Variants in ARHGAP17 observed in about 807,000 individuals in gnomAD.
ARHGAP17 encodes the protein rho GTPase-activating protein 17.
A neutral mutation model predicts 99.5 loss-of-function variants in ARHGAP17; 57 were observed. The ratio of observed to expected loss-of-function variants is 0.57; its 90% CI spans 0.46 to 0.71. ARHGAP17 has a LOEUF of 0.71. Ranked by LOEUF, ARHGAP17 falls within the 30% of genes least tolerant of loss-of-function variation. ARHGAP17 has a pLI of 0.00. For synonymous variants in ARHGAP17, 417 were observed against 429.6 expected (o/e 0.97, Z 0.36); for missense variants, 1,000 against 1,122.4 (o/e 0.89, Z 1.56).
At chr16:24,940,363 C>G (rs2051278778) in intron 16 of ARHGAP17, among the ~76,000 whole-genome samples, 1 of 152,106 alleles carries the variant, frequency 6.6e-6, no homozygotes, top group African/African-American at 2.4e-5. Flanking sequence ...TAGAAACAAT[C>G]CTATGTGCAT....
At chr16:25,008,199 C>CT (rs1259826485) in intron 1 of ARHGAP17, among the ~76,000 whole-genome samples, 1 of 152,026 alleles carries the variant, frequency 6.6e-6, no homozygotes, top group Non-Finnish European at 1.5e-5. Context: ...AAAAACAAAT[C>CT]TTTTTTTGTA....
intron 14 of ARHGAP17, 117 bp from the exon 15 acceptor site, chr16:24,943,979 A>G: frequency 1.0e-6 from 1 of 987,414 alleles, no homozygotes; most frequent in Admixed American, 2.2e-5. Context: ...AGATGCAAAA[A>G]TCAAAATCAC....
At chr16:24,981,299 G>A (rs998435199) in intron 1 of ARHGAP17, among the ~76,000 whole-genome samples, 2 of 152,124 alleles carry the variant, frequency 1.3e-5, no homozygotes, top group East Asian at 3.9e-4. Flanking sequence ...AACGAGGCAA[G>A]TATTAACTTC....
chr16:24,920,185 A>G lies in ARHGAP17; in HGVS notation c.2591T>C (p.Val864Ala), dbSNP rs1597344589. ...TATATCCAGCAGGATGCGGCCAGGC[A>G]CGTCTTTGCTGGCTGAGTCTGAGTG... The part of the protein sequence containing the change: ...EMHSDSASKD[V>A]PGRILLDIDN... Residue 864 changes from valine (V) to alanine (A), a missense_variant, in exon 20 of 20, where the codon GTG (valine) becomes GCG (alanine). Around this residue, in one of 2 missense-constraint regions of ARHGAP17, gnomAD observed 528 missense variants for 511.4 expected, o/e 1.03. Coordinates refer to ENST00000289968, the MANE Select transcript of ARHGAP17 (RefSeq NM_001006634.3). 1 of 1,614,046 alleles carries G rather than the reference A, an allele frequency of 6.2e-7. No individual in the cohort carries two copies. The highest frequency in any genetic ancestry group is 1.7e-5 in the Admixed American group (1 of 60,004).
intron 18 of ARHGAP17, among the ~76,000 whole-genome samples, chr16:24,931,877 A>T (rs2051001866): frequency 6.6e-6 from 1 of 152,168 alleles, no homozygotes; most frequent in South Asian, 2.1e-4. Context: ...GCACTTTGGG[A>T]GGCCAAAGCA....
intron 1 of ARHGAP17, among the ~76,000 whole-genome samples, chr16:25,004,809 G>C (rs1334869873): frequency 6.6e-6 from 1 of 152,190 alleles, no homozygotes; most frequent in Non-Finnish European, 1.5e-5. Context: ...GAGGAAGAGA[G>C]AAACATCTTG....
chr16:24,956,016 T>G (rs1405826228), intron 9 of ARHGAP17: 2 of 152,234 alleles, frequency 1.3e-5, no homozygotes, highest in Non-Finnish European at 2.9e-5. Context: ...AGAAAACGCA[T>G]CTGGGGGTCT....
Position 25,015,256 on chromosome 16 carries a change from C to T in ARHGAP17, c.6G>A (p.Lys2=), listed in dbSNP as rs200554380. ...GCTGCTTCATGCGGTTGAACTGCTT[C>T]TTCATGGCGGCGGTGGCGGCGGCGG... is the stretch of plus-strand genomic sequence containing the variant. M[K]KQFNRMKQLA... The change falls in exon 1 of 20, where the codon AAG becomes AAA. Residue 2 remains lysine, a synonymous_variant. Coordinates refer to ENST00000289968, the MANE Select transcript of ARHGAP17 (RefSeq NM_001006634.3). 1.6e-5 allele frequency: 21 copies of T among 1,352,464 alleles called. No individual in the cohort carries two copies. The East Asian group carries it at 6.0e-4, about 39-fold the overall frequency. 83.8% of individuals were successfully genotyped at this position (1,352,464 alleles called of 1,614,324 possible). A position where few individuals can be genotyped will look rare whatever the true frequency, so the allele number is the denominator to read the frequency against.
At chr16:24,927,045 C>CG (rs1198342037) in intron 19 of ARHGAP17, among the ~76,000 whole-genome samples, 3 of 152,138 alleles carry the variant, frequency 2.0e-5, no homozygotes, top group Middle Eastern at 3.4e-3. Flanking sequence ...CTGAGGAGGC[C>CG]GGATCACCTA....
chr16:24,977,785 CGCATCATAAGCA>C (rs1356738865), intron 2 of ARHGAP17, among the ~76,000 whole-genome samples: 7 of 152,088 alleles, frequency 4.6e-5, no homozygotes. Flanking sequence ...AGGGGACCCA[CGCATCATAAGCA>C]GCTTCCCAAA....
chr16:24,965,159 G>C (rs951686125), intron 6 of ARHGAP17, among the ~76,000 whole-genome samples: 4 of 151,066 alleles, frequency 2.6e-5, no homozygotes, highest in African/African-American at 9.7e-5. Flanking sequence ...AAACATAGAT[G>C]TTATAAAATG....
intron 19 of ARHGAP17, among the ~76,000 whole-genome samples, chr16:24,926,709 C>T (rs536302113): frequency 2.0e-5 from 3 of 152,296 alleles, no homozygotes; most frequent in East Asian, 3.9e-4. Flanking sequence ...AGTGGACTAA[C>T]GCCTCACAGA....
chr16:24,984,270 C>T (rs1046126037), intron 1 of ARHGAP17, among the ~76,000 whole-genome samples: 10 of 152,160 alleles, frequency 6.6e-5, no homozygotes, highest in African/African-American at 2.2e-4. Context: ...ATGAGCACTA[C>T]CGTCCTCCTC....
intron 18 of ARHGAP17, among the ~76,000 whole-genome samples, chr16:24,933,260 T>C (rs972369128): frequency 4.0e-5 from 6 of 151,828 alleles, no homozygotes; most frequent in Non-Finnish European, 7.4e-5. Flanking sequence ...GCACTCTGAC[T>C]GGCTGAGGCA....
At chr16:25,012,677 CACACACACATCT>C (rs2053673265) in intron 1 of ARHGAP17, among the ~76,000 whole-genome samples, 1 of 152,182 alleles carries the variant, frequency 6.6e-6, no homozygotes, top group South Asian at 2.1e-4. Context: ...AAAACACATA[CACACACACATCT>C]AGGAAATCAA....
intron 1 of ARHGAP17, among the ~76,000 whole-genome samples, chr16:24,993,119 A>T (rs978449917): frequency 5.9e-5 from 9 of 152,214 alleles, no homozygotes; most frequent in Non-Finnish European, 1.0e-4. Flanking sequence ...GGCATGAGCC[A>T]CTGTGCCCAG....
chr16:24,978,272 T>G (rs1294256805), intron 2 of ARHGAP17, among the ~76,000 whole-genome samples: 1 of 152,242 alleles, frequency 6.6e-6, no homozygotes. Context: ...GGATCTGTTT[T>G]GTTCACTGAT....
At chr16:24,982,760 CCCATTCAATAGG>C (rs1177168043) in intron 1 of ARHGAP17, among the ~76,000 whole-genome samples, 3 of 151,776 alleles carry the variant, frequency 2.0e-5, no homozygotes, top group South Asian at 2.1e-4. Context: ...GGCCAAGGTG[CCCATTCAATAGG>C]CCATTCAATA....
chr16:24,982,535 C>T (rs2052703819), intron 1 of ARHGAP17, among the ~76,000 whole-genome samples: 1 of 152,170 alleles, frequency 6.6e-6, no homozygotes, highest in African/African-American at 2.4e-5. Flanking sequence ...ACTGGAATGG[C>T]TCCCTCACAC....
Sources: allele counts gnomAD v4.1 joint callset (sites outside exome capture counted in the v4.1 genomes callset), GRCh38; gene constraint gnomAD v4.1.1; regional missense constraint gnomAD v4.1.1; transcripts MANE v1.5; gene names NCBI Gene and HGNC (gene_info 2026-07-23, HGNC 2026-07-21).